The following ENOX1 variants were observed in gnomAD, a reference collection of about 807,000 sequenced individuals.
The protein encoded by ENOX1 is candidate growth-related and time keeping constitutive hydroquinone (NADH) oxidase.
A neutral mutation model predicts 82.5 loss-of-function variants in ENOX1; 42 were observed. That is an observed-to-expected ratio of 0.51 (90% CI 0.40 to 0.66). The LOEUF (loss-of-function observed/expected upper bound fraction) is 0.66, where lower values mean the gene tolerates loss of function less well. Among genes scored for constraint, ENOX1 ranks in the 30% least tolerant of loss-of-function variants. The probability of loss-of-function intolerance (pLI) is 0.00; values close to 1 mark genes in which losing one functional copy is unlikely to be tolerated. For missense variants in ENOX1, 608 were observed against 811.6 expected, an observed-to-expected ratio of 0.75 and a Z score of 3.05; for synonymous variants, 271 against 282.2, an observed-to-expected ratio of 0.96 and a Z score of 0.40.
At chr13:43,726,716 TTTTG>T (rs1346052029) in intron 1 of ENOX1, among the ~76,000 whole-genome samples, 52 of 106,198 alleles carry the variant, frequency 4.9e-4, no homozygotes, top group African/African-American at 2.1e-3. Flanking sequence ...ACGCATTGAC[TTTTG>T]TGTGTGTGTG....
chr13:43,691,045 A>T (rs938591784), intron 1 of ENOX1, among the ~76,000 whole-genome samples: 3 of 152,210 alleles, frequency 2.0e-5, no homozygotes, highest in Non-Finnish European at 4.4e-5. Context: ...CTGGAACTCC[A>T]TCAACTTTGT....
chr13:43,432,362 AG>A (rs1323307840), intron 3 of ENOX1, among the ~76,000 whole-genome samples: 1 of 152,190 alleles, frequency 6.6e-6, no homozygotes, highest in Non-Finnish European at 1.5e-5. Context: ...AAAATCAGGC[AG>A]GGTACAGTGG....
At chr13:43,290,764 C>T (rs964567839) in intron 12 of ENOX1, among the ~76,000 whole-genome samples, 3 of 152,222 alleles carry the variant, frequency 2.0e-5, no homozygotes, top group African/African-American at 7.2e-5. Context: ...CAGCGGCTCC[C>T]GCCTGTAATT....
rs9567239 is a variant in ENOX1, at chr13:43,622,930, C to T, written c.-219+44549G>A. On this transcript the variant is annotated intron_variant, in intron 2 of 16. Transcript: ENST00000690772. ...TCAGACTTTCCTTGGGAGGGTCTTGCTGAGGCTACTTTCAGGGATGGGGGT... is the reference window on the plus strand; with the variant it reads ...TCAGACTTTCCTTGGGAGGGTCTTGTTGAGGCTACTTTCAGGGATGGGGGT... Among the ~76,000 whole-genome samples the T allele has an allele frequency of 6.8e-3, 1,040 of 152,188 alleles. 24 individuals are homozygous for T. In the East Asian group the frequency reaches 0.085, roughly 13 times the overall value.
At chr13:43,327,484 A>C (rs1277039770) in intron 9 of ENOX1, among the ~76,000 whole-genome samples, 1 of 152,210 alleles carries the variant, frequency 6.6e-6, no homozygotes, top group Non-Finnish European at 1.5e-5. Flanking sequence ...CTGTAGACTT[A>C]ATCTTGCTTA....
intron 9 of ENOX1, among the ~76,000 whole-genome samples, chr13:43,333,104 T>C (rs1052198269): frequency 6.6e-6 from 1 of 152,256 alleles, no homozygotes; most frequent in Non-Finnish European, 1.5e-5. Context: ...TGGAAATCTA[T>C]TCATATGTAT....
intron 1 of ENOX1, among the ~76,000 whole-genome samples, chr13:43,743,435 A>C (rs1276348863): frequency 6.6e-6 from 1 of 152,188 alleles, no homozygotes; most frequent in Non-Finnish European, 1.5e-5. Flanking sequence ...TTAACTCAGA[A>C]ACTCTTTCAA....
intron 3 of ENOX1, among the ~76,000 whole-genome samples, chr13:43,464,976 A>G (rs2057655077): frequency 6.6e-6 from 1 of 152,188 alleles, no homozygotes; most frequent in Non-Finnish European, 1.5e-5. Context: ...TTGGCTGATT[A>G]GGGTTATTGG....
intron 2 of ENOX1, among the ~76,000 whole-genome samples, chr13:43,635,735 C>G (rs1259266951): frequency 6.6e-6 from 1 of 152,022 alleles, no homozygotes; most frequent in African/African-American, 2.4e-5. Flanking sequence ...ATTAGACTTG[C>G]AGTTAAAGAG....
rs571713669 is a variant in ENOX1, at chr13:43,607,102, T to G, written c.-219+60377A>C. 2.0e-5 allele frequency among the ~76,000 whole-genome samples: 3 copies of G among 152,268 alleles called. No homozygotes were observed. The East Asian group carries it at 5.8e-4, about 29-fold the overall frequency. On this transcript the variant is annotated intron_variant, in intron 2 of 16. Coordinates refer to ENST00000690772, the MANE Select transcript of ENOX1 (RefSeq NM_001347969.2). ...CATTAAAAAATAACTAAGAGGATAA[T>G]TGGATTGTTCGTAACAAAGAAATGA...
At chr13:43,723,481 A>G (rs556614592) in intron 1 of ENOX1, among the ~76,000 whole-genome samples, 6 of 152,346 alleles carry the variant, frequency 3.9e-5, no homozygotes, top group African/African-American at 1.4e-4. Context: ...ATTTCAACTG[A>G]AAATTAAGAA....
chr13:43,657,016 G>A (rs1449159402), intron 2 of ENOX1, among the ~76,000 whole-genome samples: 1 of 152,004 alleles, frequency 6.6e-6, no homozygotes, highest in African/African-American at 2.4e-5. Context: ...TTAATCCTTG[G>A]GGTAAAATAT....
intron 15 of ENOX1, among the ~76,000 whole-genome samples, chr13:43,233,912 CAA>C (rs66853487): frequency 0.17 from 25,695 of 152,062 alleles, 2,564 homozygotes; most frequent in Non-Finnish European, 0.23. Context: ...GGGGGAATTG[CAA>C]AGAGTATTTA....
chr13:43,224,582 A>G (rs1159360538), intron 15 of ENOX1, among the ~76,000 whole-genome samples: 1 of 152,196 alleles, frequency 6.6e-6, no homozygotes, highest in African/African-American at 2.4e-5. Context: ...GATAATTACA[A>G]TTGCTAGATA....
At chr13:43,386,883 A>G (rs192415945) in intron 5 of ENOX1, among the ~76,000 whole-genome samples, 1 of 152,328 alleles carries the variant, frequency 6.6e-6, no homozygotes, top group Admixed American at 6.5e-5. Flanking sequence ...TGGAGTTTAA[A>G]TATCAAAACT....
At chr13:43,417,174 A>G (rs116604476) in intron 3 of ENOX1, among the ~76,000 whole-genome samples, 2,453 of 145,272 alleles carry the variant, frequency 0.017, 56 homozygotes, top group African/African-American at 0.056. Flanking sequence ...ACAGCAGTAC[A>G]GTCCAGCCTC....
intron 3 of ENOX1, among the ~76,000 whole-genome samples, chr13:43,458,717 G>T (rs937613239): frequency 6.6e-6 from 1 of 152,104 alleles, no homozygotes; most frequent in South Asian, 2.1e-4. Context: ...AAATTAGGAG[G>T]TTATATGAAG....
chr13:43,256,866 A>C (rs1302949830), intron 14 of ENOX1, among the ~76,000 whole-genome samples: 2 of 152,234 alleles, frequency 1.3e-5, no homozygotes, highest in East Asian at 3.8e-4. Context: ...GATATATTGC[A>C]GTACTATTCA....
At chr13:43,736,858 T>C (rs1307400717) in intron 1 of ENOX1, among the ~76,000 whole-genome samples, 1 of 152,166 alleles carries the variant, frequency 6.6e-6, no homozygotes, top group Non-Finnish European at 1.5e-5. Context: ...TGGAAAGAGA[T>C]GAAACTTTGA....
Sources: gnomAD v4.1 joint callset for allele counts (sites outside exome capture counted in the v4.1 genomes callset) on GRCh38, gnomAD v4.1.1 for gene constraint, MANE v1.5 for transcripts, NCBI Gene and HGNC (gene_info 2026-07-23, HGNC 2026-07-21) for gene names.